The following MYO1H variants were observed in gnomAD, a reference collection of about 807,000 sequenced individuals.
MYO1H encodes the protein myosin IH, also known as unconventional myosin-Ih.
A neutral mutation model predicts 149.3 loss-of-function variants in MYO1H; 118 were observed. That is an observed-to-expected ratio of 0.79 (90% CI 0.68 to 0.92). The LOEUF is 0.92. Ranked by LOEUF, MYO1H falls within the 40% of genes least tolerant of loss-of-function variation. The pLI, the probability that MYO1H is intolerant of heterozygous loss-of-function variation, is 0.00. For missense variants in MYO1H, 1,212 were observed against 1,280.7 expected (o/e 0.95, Z 0.82); for synonymous variants, 447 against 465.2 (o/e 0.96, Z 0.50).
upstream of MYO1H, among the ~76,000 whole-genome samples, chr12:109,347,579 C>A (rs565167112): frequency 1.7e-3 from 233 of 133,632 alleles, no homozygotes; most frequent in African/African-American, 5.9e-3. Flanking sequence ...GGAGAATTTT[C>A]TTTTCTTTTT....
At chr12:109,313,886 T>TCG in the MYO1H span, among the ~76,000 whole-genome samples, 1 of 152,198 alleles carries the variant, frequency 6.6e-6, no homozygotes, top group African/African-American at 2.4e-5. Context: ...TTGGAGTTTT[T>TCG]TGTTTCTCGT....
intron 1 of MYO1H, among the ~76,000 whole-genome samples, chr12:109,383,448 G>A (rs1869245881): frequency 6.6e-6 from 1 of 152,092 alleles, no homozygotes; most frequent in African/African-American, 2.4e-5. Flanking sequence ...ATAACAAACA[G>A]CCCCAAAACT....
At position 109,406,809 on chromosome 12, in the gene MYO1H, A is replaced by T. The variant is rs750976589; in HGVS notation, c.984A>T (p.Ser328=). 4.3e-6 allele frequency: 7 copies of T among 1,614,030 alleles called. No individual in the cohort carries two copies. In the Admixed American group the frequency reaches 1.2e-4, roughly 27 times the overall value. Residue 328 remains serine, a synonymous_variant, in exon 9 of 32, where the codon TCA becomes TCT. Coordinates refer to ENST00000310903, the Ensembl canonical transcript of MYO1H. ...TGCAGCTCCTGGGGGTCCACCCATCAGTCCTTCTGGAAGCTCTCACCCACA... is the reference window on the plus strand; with the variant it reads ...TGCAGCTCCTGGGGGTCCACCCATCTGTCCTTCTGGAAGCTCTCACCCACA...
intron 17 of MYO1H, 88 bp from the exon 18 acceptor site, chr12:109,425,858 C>A: frequency 1.0e-6 from 1 of 957,702 alleles, no homozygotes; most frequent in Non-Finnish European, 1.6e-6. Flanking sequence ...GGGCTGACAC[C>A]TTGAGCCCTG....
chr12:109,396,608 A>G (rs775493817), intron 4 of MYO1H, 26 bp downstream of exon 4: 1 of 1,586,658 alleles, frequency 6.3e-7, no homozygotes. Flanking sequence ...GGACCAATCG[A>G]AGGGAGTTCC....
Position 109,407,917 on chromosome 12 carries a change from G to T in MYO1H, c.1155+4G>T. 2.5e-6 allele frequency: 4 copies of T among 1,613,828 alleles called. No individual in the cohort carries two copies. The highest frequency in any genetic ancestry group is 3.4e-6 in the Non-Finnish European group (4 of 1,179,854). On this transcript the variant is annotated splice_donor_region_variant and intron_variant, in intron 10 of 31. Coordinates refer to ENST00000310903, the Ensembl canonical transcript of MYO1H. Reference sequence around the variant, plus strand: ...CAATTCCTCCTTAGTTAACAAGGTTGGTCAACGCATTTTGGATCCCTTGCT... The same window carrying T: ...CAATTCCTCCTTAGTTAACAAGGTTTGTCAACGCATTTTGGATCCCTTGCT...
intron 27 of MYO1H, among the ~76,000 whole-genome samples, chr12:109,442,892 A>G (rs61941569): frequency 6.9e-6 from 1 of 145,636 alleles, no homozygotes; most frequent in Non-Finnish European, 1.5e-5. Flanking sequence ...ATCTCTGACC[A>G]TCAGAGCAGA....
chr12:109,319,125 C>T, the MYO1H span, among the ~76,000 whole-genome samples: 1 of 151,996 alleles, frequency 6.6e-6, no homozygotes, highest in African/African-American at 2.4e-5. Context: ...TTTGCATACT[C>T]ATGTTCATAG....
chr12:109,443,006 A>AT lies in MYO1H; in HGVS notation c.2689-508_2689-507insT, dbSNP rs1566044541. 5.0e-4 allele frequency among the ~76,000 whole-genome samples: 42 copies of AT among 84,624 alleles called. 1 individual carries two copies. The highest frequency in any genetic ancestry group is 2.0e-3 in the African/African-American group (32 of 16,110). The allele number at this position is 84,624 out of a possible 152,430, so 55.5% of individuals were successfully genotyped here. A position where few individuals can be genotyped will look rare whatever the true frequency, so the allele number is the denominator to read the frequency against. On this transcript the variant is annotated intron_variant, in intron 27 of 31. Coordinates refer to ENST00000310903, the Ensembl canonical transcript of MYO1H. ...TCATGCAGAGAGCCAGGAAAAAAAA[A>AT]AAAATATATATATATATATATATGT... is the stretch of plus-strand genomic sequence containing the variant.
chr12:109,372,242 TCC>T (rs1868997797), intron 1 of MYO1H, among the ~76,000 whole-genome samples: 1 of 152,122 alleles, frequency 6.6e-6, no homozygotes, highest in Non-Finnish European at 1.5e-5. Context: ...TCTTGTACTT[TCC>T]TTTCATTATT....
intron 1 of MYO1H, among the ~76,000 whole-genome samples, chr12:109,365,332 C>T (rs1018678196): frequency 6.6e-6 from 1 of 152,214 alleles, no homozygotes; most frequent in African/African-American, 2.4e-5. Context: ...ACTGAACTAA[C>T]AGTAACATAG....
chr12:109,425,133 C>G (rs1871309549), intron 17 of MYO1H, among the ~76,000 whole-genome samples: 1 of 151,954 alleles, frequency 6.6e-6, no homozygotes, highest in South Asian at 2.1e-4. Flanking sequence ...ACAAATCAGT[C>G]AGACAAAACT....
In MYO1H at chr12:109,380,092, G is replaced by A. The variant is rs191647828; in HGVS notation, c.13-8591G>A. On this transcript the variant is annotated intron_variant, in intron 1 of 31. Coordinates refer to ENST00000310903, the Ensembl canonical transcript of MYO1H. ...TTACTTTTTGTAGAGATACGGTCTC[G>A]CTTTGTTGCCCACGCTGGTTTCAAA... is the stretch of plus-strand genomic sequence containing the variant. Among the ~76,000 whole-genome samples, 1,437 of 151,426 alleles carry A rather than the reference G, an allele frequency of 9.5e-3. 19 individuals are homozygous for A. Among genetic ancestry groups the A allele is most frequent in the African/African-American group, 0.033 (1,347 of 41,226 alleles).
the MYO1H span, among the ~76,000 whole-genome samples, chr12:109,334,829 T>C: frequency 6.6e-6 from 1 of 151,128 alleles, no homozygotes; most frequent in Non-Finnish European, 1.5e-5. Context: ...TACAATAGGT[T>C]GTAAAAGGGT....
intron 1 of MYO1H, among the ~76,000 whole-genome samples, chr12:109,363,408 C>T (rs1292108622): frequency 2.6e-5 from 4 of 152,100 alleles, no homozygotes; most frequent in African/African-American, 9.7e-5. Context: ...CCACCTTCCT[C>T]GTGGCTACAT....
At chr12:109,354,630 A>AAAAAAAAAGAAAAG (rs796354256) in intron 1 of MYO1H, among the ~76,000 whole-genome samples, 14 of 134,046 alleles carry the variant, frequency 1.0e-4, no homozygotes, top group Non-Finnish European at 1.7e-4. Context: ...AAAAAAAAAA[A>AAAAAAAAAGAAAAG]AAAAGAAAAG....
chr12:109,327,323 T>TG, the MYO1H span, among the ~76,000 whole-genome samples: 1 of 151,214 alleles, frequency 6.6e-6, no homozygotes, highest in African/African-American at 2.4e-5. Flanking sequence ...TTAGTAGAGA[T>TG]GGGGTTTTAC....
At chr12:109,386,787 C>G (rs554305487) in intron 1 of MYO1H, among the ~76,000 whole-genome samples, 1 of 152,166 alleles carries the variant, frequency 6.6e-6, no homozygotes, top group Non-Finnish European at 1.5e-5. Context: ...TGTGACTTGC[C>G]TATTTTCTTA....
chr12:109,441,821 C>A (rs570529649), intron 26 of MYO1H, 113 bp downstream of exon 26: 2 of 678,832 alleles, frequency 2.9e-6, no homozygotes, highest in South Asian at 1.9e-5. Context: ...CCGAGGTGGG[C>A]GGATTGCCTG....
Sources: allele counts gnomAD v4.1 joint callset (sites outside exome capture counted in the v4.1 genomes callset), GRCh38; gene constraint gnomAD v4.1.1; transcripts MANE v1.5; gene names NCBI Gene and HGNC (gene_info 2026-07-23, HGNC 2026-07-21).